The following SORCS1 variants were observed in gnomAD, a reference collection of about 807,000 sequenced individuals.
SORCS1 encodes VPS10 domain-containing receptor SorCS1.
In SORCS1, 60 loss-of-function variants were observed where a neutral mutation model predicts 146.1. The ratio of observed to expected loss-of-function variants is 0.41; its 90% confidence interval spans 0.33 to 0.51. The LOEUF (loss-of-function observed/expected upper bound fraction) is 0.51, where lower values mean the gene tolerates loss of function less well. SORCS1 is among the 20% of genes least tolerant of loss of function. The pLI is 0.21. For synonymous variants in SORCS1, 637 were observed against 584.0 expected, an observed-to-expected ratio of 1.09 and a Z score of -1.31; for missense variants, 1,352 against 1,487.6, an observed-to-expected ratio of 0.91 and a Z score of 1.50.
chr10:106,863,070 C>G (rs565336111), intron 2 of SORCS1, among the ~76,000 whole-genome samples: 1 of 151,686 alleles, frequency 6.6e-6, no homozygotes, highest in African/African-American at 2.4e-5. Context: ...GTTGATTTCC[C>G]CCCAAACAAA....
At chr10:106,671,128 G>A (rs1851565774) in intron 16 of SORCS1, 109 bp downstream of exon 16, 1 of 1,430,312 alleles carries the variant, frequency 7.0e-7, no homozygotes. Flanking sequence ...ATATGAAGCT[G>A]GCCACTTAGC....
chr10:106,864,048 G>C (rs1034820400), intron 2 of SORCS1, among the ~76,000 whole-genome samples: 1 of 152,098 alleles, frequency 6.6e-6, no homozygotes, highest in Non-Finnish European at 1.5e-5. Context: ...TTCAAAACCC[G>C]CACAGTATGT....
rs559788186 is a variant in SORCS1 at position 106,583,927 on chromosome 10, T to C, written c.3266-4453A>G. Among the ~76,000 whole-genome samples, 3 of 152,328 alleles carry C rather than the reference T, an allele frequency of 2.0e-5. No individual in the cohort carries two copies. The South Asian group carries it at 6.2e-4, about 32-fold the overall frequency. On this transcript the variant is annotated intron_variant, in intron 24 of 25. Coordinates refer to ENST00000263054, the MANE Select transcript of SORCS1 (RefSeq NM_052918.5). ...TCTTATTGTTGTCCAGTGTTCACTT[T>C]CATTCTATCAAAAGGACATTCCTGG...
intron 1 of SORCS1, among the ~76,000 whole-genome samples, chr10:107,025,744 G>A (rs1225032704): frequency 1.3e-5 from 2 of 152,184 alleles, no homozygotes; most frequent in Non-Finnish European, 2.9e-5. Flanking sequence ...ATGTCAGGCT[G>A]GGGAGCTGGA....
chr10:106,959,248 T>G (rs1486769926), intron 1 of SORCS1, among the ~76,000 whole-genome samples: 1 of 152,182 alleles, frequency 6.6e-6, no homozygotes, highest in East Asian at 1.9e-4. Flanking sequence ...AGGCAGTTTA[T>G]CAACACAGCA....
chr10:107,161,623 G>A (rs1470231095), intron 1 of SORCS1, among the ~76,000 whole-genome samples: 3 of 151,894 alleles, frequency 2.0e-5, no homozygotes, highest in East Asian at 3.9e-4. Flanking sequence ...AACTTGCCTC[G>A]GTCAAACCAC....
At chr10:106,737,781 C>A (rs1168248927) in intron 5 of SORCS1, among the ~76,000 whole-genome samples, 2 of 151,524 alleles carry the variant, frequency 1.3e-5, no homozygotes, top group Non-Finnish European at 3.0e-5. Flanking sequence ...TGCTCCTGAT[C>A]CCCAAACAAA....
intron 25 of SORCS1, 200 bp from the exon 26 acceptor site, chr10:106,577,755 G>T: frequency 1.9e-6 from 2 of 1,053,310 alleles, no homozygotes; most frequent in Non-Finnish European, 2.6e-6. Flanking sequence ...AGAAGCTTTA[G>T]GAATGAGTAG....
intron 2 of SORCS1, among the ~76,000 whole-genome samples, chr10:106,896,387 C>T (rs1162251944): frequency 6.7e-6 from 1 of 149,644 alleles, no homozygotes; most frequent in Non-Finnish European, 1.5e-5. Context: ...CAAGATTGCG[C>T]CACTGCACTC....
chr10:107,114,515 T>C (rs983502717), intron 1 of SORCS1, among the ~76,000 whole-genome samples: 1 of 152,114 alleles, frequency 6.6e-6, no homozygotes, highest in Non-Finnish European at 1.5e-5. Context: ...AAATCATAGA[T>C]AGTCTCAACA....
chr10:106,976,914 C>T (rs971048412), intron 1 of SORCS1, among the ~76,000 whole-genome samples: 1 of 152,028 alleles, frequency 6.6e-6, no homozygotes, highest in African/African-American at 2.4e-5. Flanking sequence ...GTATATGTAC[C>T]ACATTTTGTT....
intron 1 of SORCS1, among the ~76,000 whole-genome samples, chr10:107,103,329 C>T (rs563931917): frequency 3.3e-5 from 5 of 152,282 alleles, no homozygotes; most frequent in African/African-American, 1.2e-4. Context: ...CCTGGCCTGG[C>T]TTTTGTCATT....
chr10:107,077,677 T>A, intron 1 of SORCS1, among the ~76,000 whole-genome samples: 1 of 151,052 alleles, frequency 6.6e-6, no homozygotes, highest in South Asian at 2.1e-4. Context: ...CAGAGGTGAG[T>A]CCCTGGATCA....
intron 1 of SORCS1, among the ~76,000 whole-genome samples, chr10:106,997,573 G>A (rs1235232981): frequency 6.6e-6 from 1 of 152,128 alleles, no homozygotes; most frequent in Admixed American, 6.5e-5. Context: ...GTCATCTGAA[G>A]GAAAACTATA....
chr10:107,042,447 T>G (rs952808359), intron 1 of SORCS1, among the ~76,000 whole-genome samples: 3 of 152,184 alleles, frequency 2.0e-5, no homozygotes, highest in African/African-American at 7.2e-5. Context: ...TCTCTTATGC[T>G]AACTTGGATC....
chr10:107,117,980 T>C (rs1337101369), intron 1 of SORCS1, among the ~76,000 whole-genome samples: 1 of 152,118 alleles, frequency 6.6e-6, no homozygotes, highest in African/African-American at 2.4e-5. Flanking sequence ...ATTTTTCATG[T>C]AAGAAAGACA....
intron 2 of SORCS1, among the ~76,000 whole-genome samples, chr10:106,906,959 T>C (rs551187998): frequency 1.4e-4 from 22 of 152,312 alleles, no homozygotes; most frequent in Admixed American, 9.8e-4. Flanking sequence ...AAAGGTATTA[T>C]AGACCTAAAA....
chr10:106,986,809 T>A (rs1339172966), intron 1 of SORCS1, among the ~76,000 whole-genome samples: 1 of 152,180 alleles, frequency 6.6e-6, no homozygotes. Flanking sequence ...TCTGGAATTT[T>A]TATTTTGCTT....
chr10:107,144,266 T>C (rs1043364328), intron 1 of SORCS1, among the ~76,000 whole-genome samples: 1 of 152,260 alleles, frequency 6.6e-6, no homozygotes, highest in African/African-American at 2.4e-5. Flanking sequence ...TTCAACTATT[T>C]AATTCTCCCC....
Sources: allele counts gnomAD v4.1 joint callset (sites outside exome capture counted in the v4.1 genomes callset), GRCh38; gene constraint gnomAD v4.1.1; transcripts MANE v1.5; gene names NCBI Gene and HGNC (gene_info 2026-07-23, HGNC 2026-07-21).